Variants in TENM3 observed in about 807,000 individuals in gnomAD.
TENM3 encodes the protein teneurin-3.
A neutral mutation model predicts 255.1 loss-of-function variants in TENM3; 63 were observed. That is an observed-to-expected ratio of 0.25 (90% CI 0.20 to 0.30). The LOEUF is 0.30. Among genes scored for constraint, TENM3 ranks in the 10% least tolerant of loss-of-function variants. The pLI is 1.00. For missense variants in TENM3, 2,929 were observed against 3,461.1 expected (o/e 0.85, Z 3.86); for synonymous variants, 1,306 against 1,322.3 (o/e 0.99, Z 0.27).
chr4:181,699,442 CAAAAAAAAAAAAA>C, the TENM3 span, among the ~76,000 whole-genome samples: 123 of 44,094 alleles, frequency 2.8e-3, 3 homozygotes, highest in Admixed American at 5.7e-3. Context: ...GACCCTGTCG[CAAAAAAAAAAAAA>C]AAAAAAAAAA....
chr4:181,665,831 G>A, the TENM3 span, among the ~76,000 whole-genome samples: 1 of 151,824 alleles, frequency 6.6e-6, no homozygotes, highest in Non-Finnish European at 1.5e-5. Context: ...AAGAAAAGAA[G>A]TGAAAATTTT....
At chr4:181,801,774 C>G in the TENM3 span, among the ~76,000 whole-genome samples, 1 of 149,784 alleles carries the variant, frequency 6.7e-6, no homozygotes, top group East Asian at 2.0e-4. Flanking sequence ...TTTGCTGACC[C>G]TTGAGAATGG....
chr4:181,655,741 T>C, the TENM3 span, among the ~76,000 whole-genome samples: 2 of 151,830 alleles, frequency 1.3e-5, no homozygotes, highest in African/African-American at 4.8e-5. Flanking sequence ...AAAGGGAAAA[T>C]GCACACCAAA....
chr4:182,311,055 G>A (rs962205500), intron 1 of TENM3, among the ~76,000 whole-genome samples: 2 of 152,180 alleles, frequency 1.3e-5, no homozygotes, highest in Admixed American at 6.5e-5. Context: ...ATGGAAGAGA[G>A]CCTGTCTCCT....
In TENM3 at chr4:182,785,576, C is replaced by T. The variant is rs144284770; in HGVS notation, c.5305-3517C>T. ...TACAAAAATTAGCCAGGCGTGGTGG[C>T]GCACGCCTCTCGTCTCAGCTACTCA... On this transcript the variant is annotated intron_variant, in intron 24 of 27. Transcript: ENST00000511685. Among the ~76,000 whole-genome samples the T allele has an allele frequency of 1.7e-3, 254 of 151,258 alleles. 1 individual carries two copies. Among genetic ancestry groups the T allele is most frequent in the African/African-American group, 5.0e-3 (208 of 41,316 alleles).
intron 1 of TENM3, among the ~76,000 whole-genome samples, chr4:182,311,148 A>G (rs1230554001): frequency 2.0e-5 from 3 of 152,222 alleles, no homozygotes; most frequent in Non-Finnish European, 2.9e-5. Flanking sequence ...ATATCACACC[A>G]GGGTGTCATT....
At chr4:182,029,700 T>A in the TENM3 span, among the ~76,000 whole-genome samples, 1 of 152,206 alleles carries the variant, frequency 6.6e-6, no homozygotes, top group African/African-American at 2.4e-5. Flanking sequence ...TTAATATAAC[T>A]AGGAGATAGA....
At chr4:182,368,596 G>A (rs1394666142) in intron 3 of TENM3, among the ~76,000 whole-genome samples, 1 of 152,196 alleles carries the variant, frequency 6.6e-6, no homozygotes, top group Non-Finnish European at 1.5e-5. Flanking sequence ...AGGATCAGAA[G>A]GGAGCATAGG....
the TENM3 span, among the ~76,000 whole-genome samples, chr4:181,723,376 C>T: frequency 6.6e-6 from 1 of 150,892 alleles, no homozygotes. Context: ...TCTTGGAGTC[C>T]ATTTCTTCAT....
chr4:182,537,771 G>A (rs968555309), intron 3 of TENM3, among the ~76,000 whole-genome samples: 30 of 152,108 alleles, frequency 2.0e-4, no homozygotes, highest in African/African-American at 7.0e-4. Flanking sequence ...CTGTGGATAC[G>A]TTTGTGTCCC....
chr4:182,214,003 T>C (rs1024419007), intron 1 of TENM3, among the ~76,000 whole-genome samples: 4 of 152,036 alleles, frequency 2.6e-5, no homozygotes, highest in Admixed American at 6.6e-5. Context: ...GGGTTTCACT[T>C]GTGTTAGCCA....
At chr4:181,553,181 TAGATCCTGA>T in the TENM3 span, among the ~76,000 whole-genome samples, 1 of 152,132 alleles carries the variant, frequency 6.6e-6, no homozygotes. Flanking sequence ...CTCTGTATCT[TAGATCCTGA>T]AGATCCAGAA....
chr4:182,465,415 C>T (rs866574595), intron 3 of TENM3, among the ~76,000 whole-genome samples: 9 of 152,194 alleles, frequency 5.9e-5, no homozygotes, highest in African/African-American at 9.6e-5. Context: ...AGGGAGCACA[C>T]GGCTGTGTCT....
At chr4:182,241,990 A>G (rs932710912), upstream of TENM3, among the ~76,000 whole-genome samples, 52 of 141,596 alleles carry the variant, frequency 3.7e-4, 3 homozygotes, top group African/African-American at 1.3e-3. Flanking sequence ...TGCCTTTTCC[A>G]CCAATTTGCC....
the TENM3 span, among the ~76,000 whole-genome samples, chr4:181,844,561 G>A: frequency 0.021 from 3,152 of 151,928 alleles, 51 homozygotes; most frequent in South Asian, 0.041. Flanking sequence ...CCAGCTACTC[G>A]GGAGGCTGAG....
intron 3 of TENM3, among the ~76,000 whole-genome samples, chr4:182,381,391 T>G (rs7695836): frequency 0.97 from 147,823 of 152,242 alleles, 71,825 homozygotes; most frequent in Non-Finnish European, 0.99. Flanking sequence ...GTTTCGATAC[T>G]GGGATGAAGA....
intron 25 of TENM3, among the ~76,000 whole-genome samples, chr4:182,790,913 C>T (rs1290959083): frequency 6.6e-6 from 1 of 152,122 alleles, no homozygotes; most frequent in Non-Finnish European, 1.5e-5. Flanking sequence ...ACCAGGATCA[C>T]CTGCATGCAT....
At chr4:181,671,792 G>T in the TENM3 span, among the ~76,000 whole-genome samples, 1 of 151,770 alleles carries the variant, frequency 6.6e-6, no homozygotes, top group Non-Finnish European at 1.5e-5. Flanking sequence ...AAAGGGCTTG[G>T]CACCTGGTAG....
At chr4:181,643,316 C>G in the TENM3 span, among the ~76,000 whole-genome samples, 2 of 152,044 alleles carry the variant, frequency 1.3e-5, no homozygotes, top group Non-Finnish European at 2.9e-5. Flanking sequence ...CTCTGTTTGT[C>G]TTGTGATTTT....
Sources: gnomAD v4.1 joint callset for allele counts (sites outside exome capture counted in the v4.1 genomes callset) on GRCh38, gnomAD v4.1.1 for gene constraint, MANE v1.5 for transcripts, NCBI Gene and HGNC (gene_info 2026-07-23, HGNC 2026-07-21) for gene names.